Variants in SLC5A11 observed in about 807,000 individuals in gnomAD.
SLC5A11 encodes the protein sodium/myo-inositol cotransporter 2.
A neutral mutation model predicts 69.8 loss-of-function variants in SLC5A11; 48 were observed. The ratio of observed to expected loss-of-function variants is 0.69; its 90% confidence interval spans 0.55 to 0.87. The LOEUF (loss-of-function observed/expected upper bound fraction) is 0.87. SLC5A11 is among the 40% of genes least tolerant of loss of function. The probability of loss-of-function intolerance (pLI) is 0.00; values close to 1 mark genes in which losing one functional copy is unlikely to be tolerated. For synonymous variants in SLC5A11, 319 were observed against 342.4 expected (o/e 0.93, Z 0.75); for missense variants, 784 against 866.1 (o/e 0.91, Z 1.19).
chr16:24,875,779 G>T, intron 6 of SLC5A11, 48 bp downstream of exon 7: 1 of 1,448,678 alleles, frequency 6.9e-7, no homozygotes. Context: ...ATGGGGAGAA[G>T]ATAAGGCACA....
At chr16:24,874,200 C>T (rs141653711) in intron 5 of SLC5A11, among the ~76,000 whole-genome samples, 29 of 152,270 alleles carry the variant, frequency 1.9e-4, no homozygotes, top group Non-Finnish European at 3.8e-4. Flanking sequence ...TGTAGTGTGA[C>T]TCACATTCCA....
At chr16:24,889,543 AT>A (rs71156454) in intron 8 of SLC5A11, among the ~76,000 whole-genome samples, 11,305 of 73,586 alleles carry the variant, frequency 0.15, 141 homozygotes, top group East Asian at 0.21. Flanking sequence ...AGGTCTTACA[AT>A]TTTTTTTTTT....
intron 5 of SLC5A11, among the ~76,000 whole-genome samples, chr16:24,875,329 C>T (rs1435032282): frequency 6.6e-6 from 1 of 152,116 alleles, no homozygotes; most frequent in South Asian, 2.1e-4. Context: ...GGACTACAGG[C>T]GCCTGTCACC....
chr16:24,906,066 C>CCAGGA (rs2050035145), intron 10 of SLC5A11, among the ~76,000 whole-genome samples: 1 of 152,112 alleles, frequency 6.6e-6, no homozygotes, highest in South Asian at 2.1e-4. Context: ...GATTCATTAA[C>CCAGGA]CAGGACAGGT....
exon 11 of SLC5A11, chr16:24,906,725 A>G: frequency 6.2e-7 from 1 of 1,613,770 alleles, no homozygotes; most frequent in Admixed American, 1.7e-5. Context: ...CTGTTCGGAC[A>G]TCGCGTATCC....
intron 1 of SLC5A11, 36 bp from the exon 3 acceptor site, chr16:24,858,584 G>T: frequency 6.4e-7 from 1 of 1,556,446 alleles, no homozygotes; most frequent in Non-Finnish European, 8.7e-7. Context: ...AATGATGCTA[G>T]GATCTGGCAT....
intron 7 of SLC5A11, among the ~76,000 whole-genome samples, chr16:24,882,733 C>T (rs1043353303): frequency 4.6e-5 from 7 of 152,212 alleles, no homozygotes; most frequent in African/African-American, 1.7e-4. Context: ...GCAACCTCTG[C>T]CTCCTGGGTT....
intron 4 of SLC5A11, among the ~76,000 whole-genome samples, chr16:24,871,682 G>T (rs766673524): frequency 6.6e-6 from 1 of 152,162 alleles, no homozygotes; most frequent in Admixed American, 6.6e-5. Flanking sequence ...TGTAAAGGGT[G>T]CAGAGAGGCG....
At chr16:24,859,570 C>G (rs1021332152) in intron 2 of SLC5A11, among the ~76,000 whole-genome samples, 3 of 152,162 alleles carry the variant, frequency 2.0e-5, no homozygotes, top group Non-Finnish European at 4.4e-5. Flanking sequence ...CTTGTTAGTA[C>G]ATAAGCGTGT....
At chr16:24,877,820 C>A (rs1290671532) in intron 7 of SLC5A11, among the ~76,000 whole-genome samples, 1 of 152,200 alleles carries the variant, frequency 6.6e-6, no homozygotes. Flanking sequence ...CCCATCTCTA[C>A]TAAAAATACA....
intron 1 of SLC5A11, among the ~76,000 whole-genome samples, chr16:24,848,935 G>T (rs916159239): frequency 6.6e-6 from 1 of 152,216 alleles, no homozygotes; most frequent in African/African-American, 2.4e-5. Flanking sequence ...GAGGGAAAAT[G>T]TGTGGATTTA....
intron 9 of SLC5A11, among the ~76,000 whole-genome samples, chr16:24,892,445 A>T (rs1162360320): frequency 2.1e-5 from 1 of 47,098 alleles, no homozygotes; most frequent in Non-Finnish European, 3.9e-5. Flanking sequence ...CTTTTGTGTT[A>T]AAAAAAAAAA....
At chr16:24,854,815 C>G (rs189193457) in intron 1 of SLC5A11, among the ~76,000 whole-genome samples, 1 of 152,114 alleles carries the variant, frequency 6.6e-6, no homozygotes, top group Non-Finnish European at 1.5e-5. Context: ...CCCCTCACCC[C>G]CTCCCCTCCT....
chr16:24,891,703 T>A (rs1329759929), intron 9 of SLC5A11, among the ~76,000 whole-genome samples: 1 of 152,108 alleles, frequency 6.6e-6, no homozygotes, highest in Non-Finnish European at 1.5e-5. Flanking sequence ...AAACTCCTAT[T>A]GGACATCATT....
At chr16:24,861,160 A>T (rs2059755258) in intron 2 of SLC5A11, among the ~76,000 whole-genome samples, 1 of 151,686 alleles carries the variant, frequency 6.6e-6, no homozygotes, top group African/African-American at 2.4e-5. Context: ...AATTTCCAGG[A>T]GCTCTTTTTG....
At chr16:24,884,020 C>T in intron 7 of SLC5A11, 31 bp from the exon 9 acceptor site, 3 of 1,608,938 alleles carry the variant, frequency 1.9e-6, no homozygotes, top group Non-Finnish European at 2.6e-6. Flanking sequence ...GTTAGACTCC[C>T]TGACCCTCAC....
chr16:24,902,865 C>T (rs1215709962), intron 10 of SLC5A11, among the ~76,000 whole-genome samples: 3 of 152,194 alleles, frequency 2.0e-5, no homozygotes, highest in Admixed American at 2.0e-4. Context: ...TGAGACATAA[C>T]ACCATGTTCC....
intron 10 of SLC5A11, among the ~76,000 whole-genome samples, chr16:24,905,463 TA>T (rs944631396): frequency 3.7e-4 from 55 of 150,360 alleles, no homozygotes; most frequent in Non-Finnish European, 7.3e-4. Flanking sequence ...AAAATAAAAA[TA>T]AAAAAATTAA....
At chr16:24,906,995 C>T (rs773441545) in intron 11 of SLC5A11, 30 bp from the exon 13 acceptor site, 23 of 1,606,830 alleles carry the variant, frequency 1.4e-5, no homozygotes, top group African/African-American at 2.7e-5. Context: ...AGAAAAGGAC[C>T]GAGGCCCATG....
Sources: gnomAD v4.1 joint callset for allele counts (sites outside exome capture counted in the v4.1 genomes callset) on GRCh38, gnomAD v4.1.1 for gene constraint, MANE v1.5 for transcripts, NCBI Gene and HGNC (gene_info 2026-07-23, HGNC 2026-07-21) for gene names.